Variants in HTR2C observed in about 807,000 individuals in gnomAD.
HTR2C encodes the protein 5-hydroxytryptamine receptor 2C.
Under a neutral mutation model 21.0 loss-of-function variants are expected in HTR2C, and 5 were observed. That is an observed-to-expected ratio of 0.24 (90% confidence interval 0.12 to 0.50). The LOEUF is 0.50. Among genes scored for constraint, HTR2C ranks in the 20% least tolerant of loss-of-function variants. The pLI is 0.98. For missense variants in HTR2C, 271 were observed against 371.2 expected, an observed-to-expected ratio of 0.73 and a Z score of 2.22; for synonymous variants, 150 against 145.3, an observed-to-expected ratio of 1.03 and a Z score of -0.23.
At chrX:114,719,124 A>G (rs1255289295) in intron 2 of HTR2C, among the ~76,000 whole-genome samples, 1 of 107,483 alleles carries the variant, frequency 9.3e-6, no homozygotes, top group African/African-American at 3.3e-5. Flanking sequence ...ATAAAATCTC[A>G]TTAAAAATTA....
intron 2 of HTR2C, among the ~76,000 whole-genome samples, chrX:114,725,359 A>G (rs1933413807): frequency 9.0e-6 from 1 of 111,375 alleles, no homozygotes; most frequent in Non-Finnish European, 1.9e-5. Context: ...CTTGGCTTTC[A>G]GCTCCATCAG....
chrX:114,640,029 T>G (rs1303066022), intron 2 of HTR2C, among the ~76,000 whole-genome samples: 1 of 111,790 alleles, frequency 8.9e-6, no homozygotes, highest in Admixed American at 9.6e-5. Context: ...ACTATAATAG[T>G]GAAATAATAG....
intron 2 of HTR2C, among the ~76,000 whole-genome samples, chrX:114,667,958 TATGGTAAAAATTACTTTCCTCTAAAC>T (rs1556411124): frequency 2.7e-5 from 3 of 112,126 alleles, no homozygotes; most frequent in Non-Finnish European, 5.6e-5. Context: ...TCTTCTTATG[TATGGTAAAAATTACTTTCCTCTAAAC>T]ATGGTAAAAA....
chrX:114,770,497 A>G lies in HTR2C; in HGVS notation c.349+38890A>G, dbSNP rs781899858. On this transcript the variant is annotated intron_variant, in intron 4 of 5. Transcript: ENST00000276198. Reference sequence around the variant, plus strand: ...CCTCCTGAAATGTTCTATTAAGCCTATCTAATGAATTTACCATTTCAGTTA... The same window carrying G: ...CCTCCTGAAATGTTCTATTAAGCCTGTCTAATGAATTTACCATTTCAGTTA... Among the ~76,000 whole-genome samples the G allele has an allele frequency of 1.8e-4, 20 of 111,433 alleles. No individual in the cohort carries two copies. In the South Asian group the frequency reaches 7.5e-3, roughly 42 times the overall value.
chrX:114,847,022 A>C (rs978268822), intron 4 of HTR2C, among the ~76,000 whole-genome samples: 14 of 111,111 alleles, frequency 1.3e-4, no homozygotes, highest in African/African-American at 4.6e-4. Flanking sequence ...AATTCTATTT[A>C]CAACAGCTTC....
intron 4 of HTR2C, among the ~76,000 whole-genome samples, chrX:114,745,821 G>A (rs2069697789): frequency 9.0e-6 from 1 of 111,508 alleles, no homozygotes; most frequent in African/African-American, 3.3e-5. Flanking sequence ...GTAGTGGGGG[G>A]GGATGGGTGG....
intron 4 of HTR2C, among the ~76,000 whole-genome samples, chrX:114,762,320 T>C (rs782470813): frequency 7.3e-5 from 7 of 96,422 alleles, no homozygotes; most frequent in Non-Finnish European, 1.5e-4. Context: ...TTTTCCACTG[T>C]CATCCCTGGG....
chrX:114,615,662 T>A (rs1928919962), intron 2 of HTR2C, among the ~76,000 whole-genome samples: 1 of 111,918 alleles, frequency 8.9e-6, no homozygotes, highest in African/African-American at 3.2e-5. Flanking sequence ...AATGTGAAGT[T>A]CGCCAATTTC....
chrX:114,726,221 G>A (rs181304053), intron 2 of HTR2C, among the ~76,000 whole-genome samples: 9 of 112,540 alleles, frequency 8.0e-5, no homozygotes, highest in East Asian at 2.8e-4. Flanking sequence ...CTCCTGGTGC[G>A]CCGTTTTTTA....
chrX:114,749,024 A>G (rs1429491501), intron 4 of HTR2C, among the ~76,000 whole-genome samples: 1 of 111,479 alleles, frequency 9.0e-6, no homozygotes, highest in Non-Finnish European at 1.9e-5. Context: ...AACTCTCAAA[A>G]CTCAAAATAA....
In HTR2C at chrX:114,883,054, C is replaced by T. The variant is rs782705106; in HGVS notation, c.551-23535C>T. ...GTGGTCAGTGTGTTTACTTGGTATA[C>T]GTCCAGTCACATTGTCTTTTTTTGA... is the stretch of plus-strand genomic sequence containing the variant. On this transcript the variant is annotated intron_variant, in intron 5 of 5. Coordinates refer to ENST00000276198, the MANE Select transcript of HTR2C (RefSeq NM_000868.4). 7.3e-5 allele frequency among the ~76,000 whole-genome samples: 8 copies of T among 109,975 alleles called. No individual in the cohort carries two copies. The South Asian group carries it at 2.6e-3, about 36-fold the overall frequency.
chrX:114,807,046 T>TAC (rs201802274), intron 4 of HTR2C, among the ~76,000 whole-genome samples: 1,515 of 12,013 alleles, frequency 0.13, 599 homozygotes, highest in East Asian at 0.4. Context: ...ACCATATATA[T>TAC]ACCATATATA....
At chrX:114,638,015 C>T (rs2147822590) in intron 2 of HTR2C, among the ~76,000 whole-genome samples, 1 of 111,628 alleles carries the variant, frequency 9.0e-6, no homozygotes, top group South Asian at 3.8e-4. Context: ...AATAGATCTG[C>T]ATCCATTGTG....
intron 2 of HTR2C, among the ~76,000 whole-genome samples, chrX:114,644,367 A>ATATATATATG (rs1930270924): frequency 2.1e-5 from 1 of 48,432 alleles, no homozygotes; most frequent in Non-Finnish European, 3.5e-5. Flanking sequence ...AAATAAATAT[A>ATATATATATG]TATATATATA....
chrX:114,603,309 A>C (rs1344379796), intron 1 of HTR2C, among the ~76,000 whole-genome samples: 5 of 110,784 alleles, frequency 4.5e-5, no homozygotes, highest in African/African-American at 1.6e-4. Flanking sequence ...AGTTATGAGA[A>C]CTGTAGAGAG....
At chrX:114,638,886 T>C (rs1241104753) in intron 2 of HTR2C, among the ~76,000 whole-genome samples, 1 of 109,063 alleles carries the variant, frequency 9.2e-6, no homozygotes, top group Non-Finnish European at 1.9e-5. Context: ...TAGTATTCCA[T>C]GGTGTATATG....
intron 1 of HTR2C, among the ~76,000 whole-genome samples, chrX:114,596,375 G>A (rs1927847314): frequency 8.9e-6 from 1 of 112,114 alleles, no homozygotes; most frequent in Non-Finnish European, 1.9e-5. Flanking sequence ...TATCAATAAC[G>A]TAAATGCTGA....
At chrX:114,736,467 A>G (rs1556424473) in intron 4 of HTR2C, among the ~76,000 whole-genome samples, 2 of 112,144 alleles carry the variant, frequency 1.8e-5, no homozygotes, top group East Asian at 2.8e-4. Context: ...ATGCTTATTA[A>G]TGATAAAAGA....
intron 2 of HTR2C, among the ~76,000 whole-genome samples, chrX:114,696,437 A>G (rs782127760): frequency 9.0e-6 from 1 of 111,463 alleles, no homozygotes; most frequent in South Asian, 3.9e-4. Flanking sequence ...GGAAGAACAA[A>G]GGGAAGTCTT....
Sources: gnomAD v4.1 joint callset for allele counts (sites outside exome capture counted in the v4.1 genomes callset) on GRCh38, gnomAD v4.1.1 for gene constraint, MANE v1.5 for transcripts, NCBI Gene and HGNC (gene_info 2026-07-23, HGNC 2026-07-21) for gene names.